PLXNA4: variants seen among roughly 807,000 people sequenced by gnomAD.
PLXNA4 encodes the protein plexin-A4.
PLXNA4 carries 44 observed loss-of-function variants against 191.8 expected under a neutral mutation model. The observed-to-expected ratio is 0.23, with a 90% CI of 0.18 to 0.29. The LOEUF is 0.29. Ranked by LOEUF, PLXNA4 falls within the 10% of genes least tolerant of loss-of-function variation. PLXNA4 has a pLI of 1.00. For missense variants in PLXNA4, 1,800 were observed against 2,488.8 expected (o/e 0.72, Z 5.89); for synonymous variants, 1,082 against 1,009.5 (o/e 1.07, Z -1.36).
intron 1 of PLXNA4, among the ~76,000 whole-genome samples, chr7:132,648,141 A>G (rs1290634498): frequency 1.3e-5 from 2 of 152,158 alleles, no homozygotes; most frequent in Admixed American, 1.3e-4. Flanking sequence ...ACTCACGTAC[A>G]CACACACTTA....
chr7:132,260,992 C>G (rs1272029818), intron 4 of PLXNA4, among the ~76,000 whole-genome samples: 2 of 152,086 alleles, frequency 1.3e-5, no homozygotes, highest in Admixed American at 6.5e-5. Context: ...TTTATAGGAC[C>G]TCTTTCTGCT....
In PLXNA4 at chr7:132,128,623, CACAT is replaced by C. The variant is rs1386616607; in HGVS notation, c.*1852_*1855del. 1 of 152,272 alleles carries C rather than the reference CACAT, an allele frequency of 6.6e-6. No homozygotes were observed. Among genetic ancestry groups the C allele is most frequent in the African/African-American group, 2.4e-5 (1 of 41,466 alleles). The allele number at this position is 152,272 out of a possible 1,614,324, so 9.4% of individuals were successfully genotyped here. On this transcript the variant is annotated 3_prime_UTR_variant, in exon 32 of 32. Coordinates refer to ENST00000321063, the MANE Select transcript of PLXNA4 (RefSeq NM_020911.2). ...TACACCTGGGGCAGACACACACACA[CACAT>C]ACATGTGCTCACACACATGTGCACA... is the stretch of plus-strand genomic sequence containing the variant.
chr7:132,302,329 G>A (rs1323670224), intron 3 of PLXNA4, among the ~76,000 whole-genome samples: 2 of 152,190 alleles, frequency 1.3e-5, no homozygotes, highest in Non-Finnish European at 2.9e-5. Context: ...TGCAGGGGCT[G>A]ACAGTTGCCA....
intron 12 of PLXNA4, among the ~76,000 whole-genome samples, chr7:132,201,749 C>A (rs570996537): frequency 6.6e-6 from 1 of 152,310 alleles, no homozygotes; most frequent in Non-Finnish European, 1.5e-5. Flanking sequence ...GGGACTCCAG[C>A]CTTGCTGGAA....
chr7:132,385,152 C>T (rs1364656289), intron 3 of PLXNA4: 1 of 1,612,218 alleles, frequency 6.2e-7, no homozygotes, highest in Non-Finnish European at 8.5e-7. Context: ...AGGCTGACAA[C>T]ACACTAAATA....
intron 4 of PLXNA4, among the ~76,000 whole-genome samples, chr7:132,259,957 TGA>T (rs538806708): frequency 9.5e-4 from 144 of 152,260 alleles, no homozygotes; most frequent in African/African-American, 3.2e-3. Context: ...TGTGGTTCAA[TGA>T]GATATAATCT....
intron 4 of PLXNA4, among the ~76,000 whole-genome samples, chr7:132,287,315 T>C (rs753230420): frequency 3.3e-5 from 5 of 152,214 alleles, no homozygotes; most frequent in Non-Finnish European, 4.4e-5. Context: ...GGATTAACAA[T>C]ACATTTTCTA....
intron 3 of PLXNA4, among the ~76,000 whole-genome samples, chr7:132,391,715 A>T (rs1022608826): frequency 6.6e-6 from 1 of 152,092 alleles, no homozygotes; most frequent in African/African-American, 2.4e-5. Context: ...TTTCCATCCC[A>T]CCAGTCTCCT....
chr7:132,343,073 G>C (rs1323717398), intron 3 of PLXNA4, among the ~76,000 whole-genome samples: 1 of 151,724 alleles, frequency 6.6e-6, no homozygotes, highest in Non-Finnish European at 1.5e-5. Flanking sequence ...AGTGTCTAAA[G>C]TTCTAGTACT....
intron 29 of PLXNA4, among the ~76,000 whole-genome samples, chr7:132,144,031 C>T (rs1415763330): frequency 1.3e-5 from 2 of 152,224 alleles, no homozygotes. Context: ...CTGCCTTCAT[C>T]TGTGCATTGC....
At chr7:132,273,949 A>G (rs1800173913) in intron 4 of PLXNA4, among the ~76,000 whole-genome samples, 1 of 152,020 alleles carries the variant, frequency 6.6e-6, no homozygotes, top group Non-Finnish European at 1.5e-5. Context: ...AATGTCATTC[A>G]GTTGGTGAAT....
chr7:132,384,348 G>C, intron 3 of PLXNA4: 1 of 985,400 alleles, frequency 1.0e-6, no homozygotes, highest in African/African-American at 1.7e-5. Context: ...TTATTTCCCA[G>C]TAAGCTAGTA....
Position 132,586,685 on chromosome 7 carries a change from G to T in PLXNA4, c.-87+59243C>A, listed in dbSNP as rs552911586. Among the ~76,000 whole-genome samples, 21 of 152,270 alleles carry T rather than the reference G, an allele frequency of 1.4e-4. No individual in the cohort carries two copies. The East Asian group carries it at 3.5e-3, about 25-fold the overall frequency. On this transcript the variant is annotated intron_variant, in intron 2 of 4. Transcript: ENST00000378539. ...GGAGAATCACTTGAACCTGGGAGGC[G>T]GAGGTTGCAGTGAGCCGAGATGGTG...
intron 3 of PLXNA4, among the ~76,000 whole-genome samples, chr7:132,447,598 T>C (rs1294385388): frequency 1.3e-5 from 2 of 152,164 alleles, no homozygotes; most frequent in African/African-American, 4.8e-5. Flanking sequence ...TGATCACTTA[T>C]CTAAAATGGG....
rs1259672338 is a variant in PLXNA4 at position 132,424,252 on chromosome 7, G to GC, written c.1371+65039dup. ...ATTCACATGCTGGTGCTGCTGGTCTGCCCCCCGCTCCCTGGCCTGGGTTTT... is the reference window on the plus strand; with the variant it reads ...ATTCACATGCTGGTGCTGCTGGTCTGCCCCCCCGCTCCCTGGCCTGGGTTTT... On this transcript the variant is annotated intron_variant, in intron 3 of 31. Transcript: ENST00000321063. 2.6e-5 allele frequency among the ~76,000 whole-genome samples: 4 copies of GC among 152,120 alleles called. No homozygotes were observed. In the East Asian group the frequency reaches 5.8e-4, roughly 22 times the overall value.
chr7:132,633,445 G>T (rs1803532593), intron 2 of PLXNA4, among the ~76,000 whole-genome samples: 1 of 152,056 alleles, frequency 6.6e-6, no homozygotes, highest in African/African-American at 2.4e-5. Context: ...ACCACACCAG[G>T]CTAATTTTTG....
At chr7:132,383,009 A>G (rs1464347244) in intron 3 of PLXNA4, among the ~76,000 whole-genome samples, 1 of 152,104 alleles carries the variant, frequency 6.6e-6, no homozygotes, top group Non-Finnish European at 1.5e-5. Flanking sequence ...TTTCCTTTGT[A>G]CTTCTTCTGT....
intron 14 of PLXNA4, among the ~76,000 whole-genome samples, chr7:132,187,928 T>C (rs1340583194): frequency 6.6e-6 from 1 of 152,084 alleles, no homozygotes; most frequent in Non-Finnish European, 1.5e-5. Context: ...TATAATTTAA[T>C]CACCAATCAA....
intron 21 of PLXNA4, among the ~76,000 whole-genome samples, chr7:132,173,660 C>G (rs1457404820): frequency 1.3e-5 from 2 of 152,252 alleles, no homozygotes; most frequent in African/African-American, 4.8e-5. Context: ...CTACTACATT[C>G]CCTTGGACAG....
Sources: allele counts gnomAD v4.1 joint callset (sites outside exome capture counted in the v4.1 genomes callset), GRCh38; gene constraint gnomAD v4.1.1; transcripts MANE v1.5; gene names NCBI Gene and HGNC (gene_info 2026-07-23, HGNC 2026-07-21).